NPTXR: variants seen among roughly 807,000 people sequenced by gnomAD.
The protein encoded by NPTXR is neuronal pentraxin receptor.
Under a neutral mutation model 32.2 loss-of-function variants are expected in NPTXR, and 12 were observed. The ratio of observed to expected loss-of-function variants is 0.37; its 90% CI spans 0.24 to 0.60. The LOEUF (loss-of-function observed/expected upper bound fraction) is 0.60, where lower values mean the gene tolerates loss of function less well. NPTXR is among the 20% of genes least tolerant of loss of function. The pLI is 0.66. For synonymous variants in NPTXR, 323 were observed against 315.8 expected, an observed-to-expected ratio of 1.02 and a Z score of -0.24; for missense variants, 612 against 682.9, an observed-to-expected ratio of 0.90 and a Z score of 1.16.
intron 1 of NPTXR, among the ~76,000 whole-genome samples, chr22:38,829,768 C>A (rs1327748827): frequency 2.6e-5 from 4 of 152,216 alleles, no homozygotes; most frequent in Admixed American, 6.5e-5. Flanking sequence ...CTGGGCACTG[C>A]CCCAGATGCT....
intron 1 of NPTXR, among the ~76,000 whole-genome samples, chr22:38,841,814 C>T (rs933823188): frequency 6.6e-6 from 1 of 152,192 alleles, no homozygotes; most frequent in African/African-American, 2.4e-5. Context: ...TAAGACTTCC[C>T]TTCATTGCAT....
intron 1 of NPTXR, among the ~76,000 whole-genome samples, chr22:38,836,373 C>T (rs975123564): frequency 3.3e-5 from 5 of 152,186 alleles, no homozygotes; most frequent in Admixed American, 6.5e-5. Flanking sequence ...CACAGAAGAA[C>T]GGGTAAATGA....
In NPTXR at chr22:38,828,398, G is replaced by T; in HGVS notation, c.739C>A (p.Leu247Met). ...GCCACACGCTCCTTCTCCAGTGCCA[G>T]CACCTGGGCCAGCAGCTGCCCCTCC... Residue 247 changes from leucine to methionine, a missense_variant, in exon 2 of 5, where the codon CTG (leucine) becomes ATG (methionine). Coordinates refer to ENST00000333039, the MANE Select transcript of NPTXR (RefSeq NM_014293.4). 1 of 1,612,684 alleles carries T rather than the reference G, an allele frequency of 6.2e-7. No homozygotes were observed.
At chr22:38,826,135 G>A (rs1360801296) in intron 3 of NPTXR, among the ~76,000 whole-genome samples, 1 of 152,166 alleles carries the variant, frequency 6.6e-6, no homozygotes, top group South Asian at 2.1e-4. Flanking sequence ...GAGCCAGTGC[G>A]CCCGGCCACC....
chr22:38,835,272 C>T (rs2093122300), intron 1 of NPTXR, among the ~76,000 whole-genome samples: 1 of 152,208 alleles, frequency 6.6e-6, no homozygotes, highest in African/African-American at 2.4e-5. Flanking sequence ...GCCACCAGCT[C>T]TTGCCAAGGT....
At chr22:38,836,222 G>A (rs1054258964) in intron 1 of NPTXR, among the ~76,000 whole-genome samples, 8 of 152,130 alleles carry the variant, frequency 5.3e-5, no homozygotes, top group East Asian at 1.9e-4. Flanking sequence ...TGTACCTTCC[G>A]ACGCTAAATA....
At chr22:38,842,105 G>A (rs935452482) in intron 1 of NPTXR, among the ~76,000 whole-genome samples, 1 of 152,180 alleles carries the variant, frequency 6.6e-6, no homozygotes, top group Non-Finnish European at 1.5e-5. Flanking sequence ...CTTGTGAGTG[G>A]GCATCACCAG....
At chr22:38,833,137 G>A (rs893212717) in intron 1 of NPTXR, among the ~76,000 whole-genome samples, 8 of 152,240 alleles carry the variant, frequency 5.3e-5, no homozygotes, top group Admixed American at 5.2e-4. Context: ...GTCTGGGTCT[G>A]TTGAGGGTCA....
intron 1 of NPTXR, among the ~76,000 whole-genome samples, chr22:38,833,525 C>A (rs374724051): frequency 2.0e-5 from 3 of 152,334 alleles, no homozygotes; most frequent in East Asian, 1.9e-4. Context: ...CCATTGGCCC[C>A]AAAGGGTAAA....
Position 38,828,421 on chromosome 22 carries a change from T to A in NPTXR, c.716A>T (p.Glu239Val). Residue 239 changes from glutamate (E) to valine (V), a missense_variant, in exon 2 of 5, where the codon GAG becomes GTG. Coordinates refer to ENST00000333039, the MANE Select transcript of NPTXR (RefSeq NM_014293.4). ...CAGCACCTGGGCCAGCAGCTGCCCCTCCAGCTGGTCCATCTTGGAGTGTAG... is the reference window on the plus strand; with the variant it reads ...CAGCACCTGGGCCAGCAGCTGCCCCACCAGCTGGTCCATCTTGGAGTGTAG... 1 of 1,612,428 alleles carries A rather than the reference T, an allele frequency of 6.2e-7. No individual in the cohort carries two copies. The highest frequency in any genetic ancestry group is 8.5e-7 in the Non-Finnish European group (1 of 1,179,730).
At chr22:38,839,935 A>G (rs1380137153) in intron 1 of NPTXR, among the ~76,000 whole-genome samples, 2 of 152,264 alleles carry the variant, frequency 1.3e-5, no homozygotes, top group African/African-American at 2.4e-5. Flanking sequence ...CAATGGCTGC[A>G]TATGGATAAG....
At chr22:38,825,713 C>G (rs969716484) in intron 3 of NPTXR, among the ~76,000 whole-genome samples, 2 of 152,266 alleles carry the variant, frequency 1.3e-5, no homozygotes, top group Admixed American at 6.5e-5. Flanking sequence ...CAACACCTTT[C>G]TACTCTCCAT....
rs1413442929 is a variant in NPTXR, at chr22:38,821,620, G to C, written c.*989C>G. Reference sequence around the variant, plus strand: ...CAGAAGGCCACACAGCACATTAGCAGGGCTGGCTAGGAACCAAGGTCTTCT... The same window carrying C: ...CAGAAGGCCACACAGCACATTAGCACGGCTGGCTAGGAACCAAGGTCTTCT... On this transcript the variant is annotated 3_prime_UTR_variant, in exon 5 of 5. Transcript: ENST00000333039. 6.6e-6 allele frequency: 1 copy of C among 152,480 alleles called. No homozygotes were observed. Among genetic ancestry groups the C allele is most frequent in the African/African-American group, 2.4e-5 (1 of 41,468 alleles). 9.4% of individuals were successfully genotyped at this position (152,480 alleles called of 1,614,324 possible). A position where few individuals can be genotyped will look rare whatever the true frequency, so the allele number is the denominator to read the frequency against.
rs953531148 is a variant in NPTXR at position 38,821,559 on chromosome 22, A to G, written c.*1050T>C. ...CCAAAGCGAGGGCCTCAGCTCACGA[A>G]TGAGGAAGGCCAGGCCCAGAGAGGG... On this transcript the variant is annotated 3_prime_UTR_variant, in exon 5 of 5. Transcript: ENST00000333039. 1 of 152,454 alleles carries G rather than the reference A, an allele frequency of 6.6e-6. No homozygotes were observed. Among genetic ancestry groups the G allele is most frequent in the Non-Finnish European group, 1.5e-5 (1 of 68,176 alleles). 9.4% of individuals were successfully genotyped at this position (152,454 alleles called of 1,614,324 possible). A position where few individuals can be genotyped will look rare whatever the true frequency, so the allele number is the denominator to read the frequency against.
intron 2 of NPTXR, among the ~76,000 whole-genome samples, chr22:38,827,137 C>T (rs1395284896): frequency 6.6e-6 from 1 of 152,126 alleles, no homozygotes; most frequent in African/African-American, 2.4e-5. Flanking sequence ...TGTGCCCCTG[C>T]GATGGCCCCT....
rs773297483 is a variant in NPTXR at position 38,828,242 on chromosome 22, A to T, written c.850+45T>A. ...GATATATTTTTTGAATGGCTCTGTC[A>T]TCCTGAGGACCCCTCCAATGCCCTC... On this transcript the variant is annotated intron_variant, in intron 2 of 4. Transcript: ENST00000333039. The T allele has an allele frequency of 2.0e-6, 3 of 1,503,154 alleles. No individual in the cohort carries two copies. In the African/African-American group the frequency reaches 4.1e-5, roughly 21 times the overall value. 93.1% of individuals were successfully genotyped at this position (1,503,154 alleles called of 1,614,324 possible).
In NPTXR at chr22:38,843,895, C is replaced by T. The variant is rs1241925643; in HGVS notation, c.-37G>A. ...CGGCGGGGGCGCCCGAGGCCCCCGG[C>T]AGGCGCGGCGGCGGGGTCGGGGCGC... is the stretch of plus-strand genomic sequence containing the variant. On this transcript the variant is annotated 5_prime_UTR_variant, in exon 1 of 5. Coordinates refer to ENST00000333039, the MANE Select transcript of NPTXR (RefSeq NM_014293.4). The surrounding 1 kb of genome is among the most constrained non-coding windows in gnomAD (Gnocchi z 5.3). The T allele has an allele frequency of 3.1e-6, 3 of 980,084 alleles. No individual in the cohort carries two copies. The highest frequency in any genetic ancestry group is 3.6e-6 in the Non-Finnish European group (3 of 827,608). The allele number at this position is 980,084 out of a possible 1,614,324, so 60.7% of individuals were successfully genotyped here.
chr22:38,836,504 A>G (rs2093124171), intron 1 of NPTXR, among the ~76,000 whole-genome samples: 2 of 152,260 alleles, frequency 1.3e-5, no homozygotes, highest in African/African-American at 4.8e-5. Flanking sequence ...ACCAGACGCA[A>G]GGGTGCACAG....
intron 1 of NPTXR, among the ~76,000 whole-genome samples, chr22:38,831,357 T>C (rs1052455972): frequency 2.0e-5 from 3 of 151,998 alleles, no homozygotes; most frequent in Non-Finnish European, 4.4e-5. Flanking sequence ...CGGTGAGTCA[T>C]GATCATACCA....
Sources: gnomAD v4.1 joint callset for allele counts (sites outside exome capture counted in the v4.1 genomes callset) on GRCh38, gnomAD v4.1.1 for gene constraint, Gnocchi (gnomAD v3.1) non-coding constraint, MANE v1.5 for transcripts, NCBI Gene and HGNC (gene_info 2026-07-23, HGNC 2026-07-21) for gene names.